The following RBMS3 variants were observed in gnomAD, a reference collection of about 807,000 sequenced individuals.
RBMS3 encodes the protein RNA binding motif single stranded interacting protein 3.
In RBMS3, 27 loss-of-function variants were observed where a neutral mutation model predicts 66.8. The observed-to-expected ratio is 0.40, with a 90% CI of 0.30 to 0.56. The LOEUF is 0.56. Ranked by LOEUF, RBMS3 falls within the 20% of genes least tolerant of loss-of-function variation. RBMS3 has a pLI of 0.40. For synonymous variants in RBMS3, 188 were observed against 183.0 expected (o/e 1.03, Z -0.22); for missense variants, 513 against 549.5 (o/e 0.93, Z 0.66).
At chr3:29,350,350 C>T (rs2036837031) in intron 1 of RBMS3, among the ~76,000 whole-genome samples, 1 of 151,988 alleles carries the variant, frequency 6.6e-6, no homozygotes, top group African/African-American at 2.4e-5. Context: ...AGGTTTGGTT[C>T]TTTCATTTTA....
At chr3:29,412,281 T>G (rs2125686443) in intron 1 of RBMS3, among the ~76,000 whole-genome samples, 1 of 152,330 alleles carries the variant, frequency 6.6e-6, no homozygotes. Flanking sequence ...CATAAGCCAC[T>G]ATGCTTGCTT....
chr3:29,882,815 GT>G (rs2059768295), intron 7 of RBMS3, among the ~76,000 whole-genome samples: 1 of 151,882 alleles, frequency 6.6e-6, no homozygotes, highest in East Asian at 1.9e-4. Flanking sequence ...AAGGTATTTT[GT>G]TTTCTTTAAA....
intron 2 of RBMS3, among the ~76,000 whole-genome samples, chr3:29,472,804 G>A (rs1017048023): frequency 6.6e-6 from 1 of 152,152 alleles, no homozygotes; most frequent in African/African-American, 2.4e-5. Flanking sequence ...GCAGCAGCAA[G>A]ATTTATTGCA....
chr3:29,985,246 A>C (rs577366330), intron 12 of RBMS3, among the ~76,000 whole-genome samples: 2 of 152,310 alleles, frequency 1.3e-5, no homozygotes, highest in East Asian at 3.9e-4. Flanking sequence ...AAGCGCCAGC[A>C]TCCCAAGTGG....
At chr3:29,834,982 G>C (rs1022084245) in intron 6 of RBMS3, among the ~76,000 whole-genome samples, 1 of 151,862 alleles carries the variant, frequency 6.6e-6, no homozygotes, top group African/African-American at 2.4e-5. Flanking sequence ...AGCAGGAGTA[G>C]TTATATTTCT....
At chr3:29,967,822 A>G (rs7638348) in intron 12 of RBMS3, among the ~76,000 whole-genome samples, 51,337 of 151,896 alleles carry the variant, frequency 0.34, 9,758 homozygotes, top group African/African-American at 0.51. Flanking sequence ...ATACTGTTTC[A>G]TTTCTTAGTG....
chr3:29,782,197 T>A (rs1445743528), intron 6 of RBMS3, among the ~76,000 whole-genome samples: 1 of 152,064 alleles, frequency 6.6e-6, no homozygotes, highest in Admixed American at 6.6e-5. Context: ...TCTTGAAAGC[T>A]CCACCTCCTA....
chr3:29,399,360 G>T (rs2039701135), intron 1 of RBMS3, among the ~76,000 whole-genome samples: 1 of 152,092 alleles, frequency 6.6e-6, no homozygotes, highest in Non-Finnish European at 1.5e-5. Context: ...TCCATTTGTT[G>T]GCTTAGGTAC....
chr3:29,421,957 A>G (rs895439343), intron 1 of RBMS3, among the ~76,000 whole-genome samples: 1 of 152,220 alleles, frequency 6.6e-6, no homozygotes, highest in African/African-American at 2.4e-5. Flanking sequence ...AACAATCCAT[A>G]TTATAAAAAT....
intron 3 of RBMS3, among the ~76,000 whole-genome samples, chr3:29,531,438 C>G (rs1028823363): frequency 1.3e-5 from 2 of 152,242 alleles, no homozygotes; most frequent in Non-Finnish European, 2.9e-5. Context: ...ATGCCACCCA[C>G]ATTTATGCTT....
At chr3:29,493,924 G>A (rs974271280) in intron 3 of RBMS3, among the ~76,000 whole-genome samples, 14 of 152,148 alleles carry the variant, frequency 9.2e-5, no homozygotes, top group East Asian at 3.9e-4. Context: ...CAAGACTGTC[G>A]TCATTAGAGG....
chr3:29,617,008 T>G (rs1279250503), intron 4 of RBMS3: 1 of 152,204 alleles, frequency 6.6e-6, no homozygotes, highest in East Asian at 1.9e-4. Flanking sequence ...AAAGTCATTT[T>G]TATTTTCACT....
chr3:29,668,401 C>T (rs2050856236), intron 4 of RBMS3, among the ~76,000 whole-genome samples: 1 of 152,128 alleles, frequency 6.6e-6, no homozygotes, highest in African/African-American at 2.4e-5. Flanking sequence ...CCTAGGCTGG[C>T]CCTGCCATTT....
At chr3:29,944,118 C>G in intron 11 of RBMS3, 89 bp from the exon 12 acceptor site, 1 of 1,194,300 alleles carries the variant, frequency 8.4e-7, no homozygotes, top group Non-Finnish European at 1.2e-6. Context: ...ATATGACACA[C>G]AGCGGACTCT....
chr3:29,921,188 A>T (rs2060768641), intron 10 of RBMS3, among the ~76,000 whole-genome samples: 1 of 151,652 alleles, frequency 6.6e-6, no homozygotes, highest in South Asian at 2.1e-4. Context: ...TCAGCCTCCC[A>T]AGTAGCTGGG....
At chr3:29,984,014 T>C (rs1698193499) in intron 12 of RBMS3, among the ~76,000 whole-genome samples, 1 of 152,190 alleles carries the variant, frequency 6.6e-6, no homozygotes, top group Admixed American at 6.5e-5. Flanking sequence ...TTTTCCAACT[T>C]GGTTCCATTC....
rs555414219 is a variant in RBMS3 at position 29,661,847 on chromosome 3, G to A, written c.399+74642G>A. Reference sequence around the variant, plus strand: ...CCTATCCTGCTGCTGTATTTCCATAGTAAATGGCATGATGCCCCCAACTTA... The same window carrying A: ...CCTATCCTGCTGCTGTATTTCCATAATAAATGGCATGATGCCCCCAACTTA... On this transcript the variant is annotated intron_variant, in intron 4 of 14. Transcript: ENST00000383767. 2.8e-4 allele frequency among the ~76,000 whole-genome samples: 43 copies of A among 152,220 alleles called. 1 individual carries two copies. The highest frequency in any genetic ancestry group is 1.0e-3 in the African/African-American group (42 of 41,536).
intron 3 of RBMS3, among the ~76,000 whole-genome samples, chr3:29,549,048 C>T (rs2046083636): frequency 6.7e-6 from 1 of 149,834 alleles, no homozygotes; most frequent in Admixed American, 6.7e-5. Context: ...CTCCTTTTCC[C>T]TCCTACTTCT....
At chr3:29,304,843 G>C (rs779844366) in intron 1 of RBMS3, among the ~76,000 whole-genome samples, 10 of 151,884 alleles carry the variant, frequency 6.6e-5, no homozygotes, top group Non-Finnish European at 1.3e-4. Flanking sequence ...GTCCCTTGCT[G>C]AACCTTTCCT....
Sources: gnomAD v4.1 joint callset for allele counts (sites outside exome capture counted in the v4.1 genomes callset) on GRCh38, gnomAD v4.1.1 for gene constraint, MANE v1.5 for transcripts, NCBI Gene and HGNC (gene_info 2026-07-23, HGNC 2026-07-21) for gene names.